Variants in VWA8 observed in about 807,000 individuals in gnomAD.
The protein encoded by VWA8 is von Willebrand factor A domain-containing protein 8.
Under a neutral mutation model 241.5 loss-of-function variants are expected in VWA8, and 221 were observed. The ratio of observed to expected loss-of-function variants is 0.91; its 90% CI spans 0.82 to 1.02. The LOEUF (loss-of-function observed/expected upper bound fraction) is 1.02. VWA8 is among the 50% of genes least tolerant of loss of function. The probability of loss-of-function intolerance (pLI) is 0.00; values close to 1 mark genes in which losing one functional copy is unlikely to be tolerated. For synonymous variants in VWA8, 852 were observed against 827.1 expected (o/e 1.03, Z -0.52); for missense variants, 2,322 against 2,328.7 (o/e 1.00, Z 0.06).
intron 44 of VWA8, among the ~76,000 whole-genome samples, chr13:41,569,937 CAA>C (rs140339489): frequency 0.029 from 4,449 of 151,970 alleles, 212 homozygotes; most frequent in African/African-American, 0.1. Flanking sequence ...GTCTCTCCAG[CAA>C]TAAGAAGGGA....
chr13:41,602,968 A>G (rs2044530742), intron 40 of VWA8, among the ~76,000 whole-genome samples: 2 of 152,168 alleles, frequency 1.3e-5, no homozygotes, highest in Non-Finnish European at 1.5e-5. Context: ...AATTGCTTTT[A>G]TCTTCTTTCC....
At chr13:41,928,920 A>T (rs1161956170) in intron 2 of VWA8, among the ~76,000 whole-genome samples, 1 of 152,082 alleles carries the variant, frequency 6.6e-6, no homozygotes, top group Non-Finnish European at 1.5e-5. Flanking sequence ...AAGGAACATA[A>T]GGGACACAAA....
chr13:41,629,636 TA>T (rs1429097607), intron 37 of VWA8, among the ~76,000 whole-genome samples: 5 of 142,614 alleles, frequency 3.5e-5, no homozygotes, highest in African/African-American at 1.5e-4. Flanking sequence ...GAAAGTCACA[TA>T]ATATTTCCCT....
At chr13:41,829,530 T>TAC (rs71096546) in intron 14 of VWA8, among the ~76,000 whole-genome samples, 9,926 of 139,692 alleles carry the variant, frequency 0.071, 498 homozygotes, top group African/African-American at 0.15. Flanking sequence ...GGAAATGTGA[T>TAC]ACACACACAC....
At chr13:41,586,526 C>A (rs957459793) in intron 42 of VWA8, among the ~76,000 whole-genome samples, 1 of 151,714 alleles carries the variant, frequency 6.6e-6, no homozygotes, top group Admixed American at 6.6e-5. Flanking sequence ...GAATTCCTCA[C>A]GTAGAGCTTC....
intron 2 of VWA8, among the ~76,000 whole-genome samples, chr13:41,936,886 G>A (rs150854569): frequency 3.0e-4 from 45 of 152,150 alleles, no homozygotes; most frequent in African/African-American, 9.2e-4. Context: ...ACATAATGAC[G>A]TTCCAGGCAA....
intron 2 of VWA8, among the ~76,000 whole-genome samples, chr13:41,942,853 G>A (rs893194522): frequency 6.6e-6 from 1 of 152,184 alleles, no homozygotes; most frequent in Non-Finnish European, 1.5e-5. Context: ...AGATAGCTGA[G>A]ATAAATCCCT....
intron 4 of VWA8, among the ~76,000 whole-genome samples, chr13:41,894,832 A>C (rs927428097): frequency 6.6e-6 from 1 of 152,304 alleles, no homozygotes; most frequent in African/African-American, 2.4e-5. Context: ...GCACAACATC[A>C]CTTTTATATT....
intron 12 of VWA8, among the ~76,000 whole-genome samples, chr13:41,839,824 T>C (rs762834446): frequency 1.1e-4 from 16 of 152,222 alleles, no homozygotes; most frequent in Non-Finnish European, 2.2e-4. Context: ...AGCTTTGTTC[T>C]TTTTCCTTAG....
intron 21 of VWA8, among the ~76,000 whole-genome samples, chr13:41,740,176 G>C (rs1047115867): frequency 6.6e-6 from 1 of 152,124 alleles, no homozygotes; most frequent in Non-Finnish European, 1.5e-5. Context: ...TTTAATGGCA[G>C]AGGAAAAGGA....
rs577567353 is a variant in VWA8, at chr13:41,950,109, G to A, written c.164-96C>T. ...CTTGTCCTGACCTACAGAGAGGGAT[G>A]TTACAGAAATGTACTACGCAGCTGT... On this transcript the variant is annotated intron_variant, in intron 1 of 44. Transcript: ENST00000379310. The A allele has an allele frequency of 5.4e-4, 375 of 688,910 alleles. 1 individual carries two copies. Among genetic ancestry groups the A allele is most frequent in the Middle Eastern group, 2.6e-4 (1 of 3,864 alleles). The allele number at this position is 688,910 out of a possible 1,614,324, so 42.7% of individuals were successfully genotyped here. A position where few individuals can be genotyped will look rare whatever the true frequency, so the allele number is the denominator to read the frequency against.
chr13:41,594,987 G>C (rs1177263705), intron 40 of VWA8, among the ~76,000 whole-genome samples: 1 of 152,122 alleles, frequency 6.6e-6, no homozygotes, highest in Admixed American at 6.5e-5. Flanking sequence ...CAATTAAAGA[G>C]GGAGAAACCG....
At chr13:41,828,305 G>A (rs1871266909) in intron 14 of VWA8, among the ~76,000 whole-genome samples, 2 of 152,102 alleles carry the variant, frequency 1.3e-5, no homozygotes, top group Non-Finnish European at 2.9e-5. Context: ...GGATTTAAAT[G>A]TTTTAAATAG....
chr13:41,874,206 T>C (rs1873787400), intron 9 of VWA8, among the ~76,000 whole-genome samples: 1 of 150,808 alleles, frequency 6.6e-6, no homozygotes, highest in East Asian at 1.9e-4. Context: ...GAGCTATCTA[T>C]GACAAACCCA....
chr13:41,883,632 A>C, intron 8 of VWA8, 141 bp from the exon 9 acceptor site: 1 of 600,780 alleles, frequency 1.7e-6, no homozygotes, highest in Non-Finnish European at 2.9e-6. Flanking sequence ...CTACAAAAGC[A>C]AATATTCATT....
At chr13:41,613,423 A>G (rs560049695) in intron 38 of VWA8, among the ~76,000 whole-genome samples, 135 of 152,268 alleles carry the variant, frequency 8.9e-4, no homozygotes, top group African/African-American at 3.1e-3. Flanking sequence ...TAGGAGGAAA[A>G]GGTGTTTCTG....
intron 37 of VWA8, among the ~76,000 whole-genome samples, chr13:41,664,673 T>A (rs2044975269): frequency 3.3e-5 from 5 of 152,030 alleles, no homozygotes. Context: ...TCGACTAATC[T>A]TCCAAATTTC....
intron 20 of VWA8, among the ~76,000 whole-genome samples, chr13:41,767,559 GA>G (rs1235924179): frequency 6.6e-6 from 1 of 151,856 alleles, no homozygotes; most frequent in Non-Finnish European, 1.5e-5. Flanking sequence ...TTTGTAATCA[GA>G]AAAAAAATTA....
At chr13:41,768,754 C>A (rs964063684) in intron 20 of VWA8, among the ~76,000 whole-genome samples, 1 of 152,026 alleles carries the variant, frequency 6.6e-6, no homozygotes, top group Admixed American at 6.6e-5. Context: ...GGTTTATATT[C>A]AAAAATATGG....
Sources: gnomAD v4.1 joint callset for allele counts (sites outside exome capture counted in the v4.1 genomes callset) on GRCh38, gnomAD v4.1.1 for gene constraint, MANE v1.5 for transcripts, NCBI Gene and HGNC (gene_info 2026-07-23, HGNC 2026-07-21) for gene names.